Variants in SHISAL1 observed in about 807,000 individuals in gnomAD.
The protein encoded by SHISAL1 is protein shisa-like-1.
Under a neutral mutation model 22.6 loss-of-function variants are expected in SHISAL1, and 9 were observed. The observed-to-expected ratio is 0.40, with a 90% CI of 0.24 to 0.70. The LOEUF is 0.70. Ranked by LOEUF, SHISAL1 falls within the 30% of genes least tolerant of loss-of-function variation. The pLI, the probability that SHISAL1 is intolerant of heterozygous loss-of-function variation, is 0.39. For synonymous variants in SHISAL1, 119 were observed against 115.4 expected, an observed-to-expected ratio of 1.03 and a Z score of -0.20; for missense variants, 246 against 270.6, an observed-to-expected ratio of 0.91 and a Z score of 0.64.
At chr22:44,290,585 C>T (rs1019488158) in intron 3 of SHISAL1, among the ~76,000 whole-genome samples, 1 of 150,670 alleles carries the variant, frequency 6.6e-6, no homozygotes, top group Admixed American at 6.6e-5. Context: ...GGAGTGGCCT[C>T]GGGTCCACGA....
chr22:44,253,000 A>C (rs950131346), intron 4 of SHISAL1, among the ~76,000 whole-genome samples: 1 of 151,714 alleles, frequency 6.6e-6, no homozygotes, highest in South Asian at 2.1e-4. Flanking sequence ...CATCTTAAAA[A>C]AAATAAAAAA....
At chr22:44,271,191 A>G (rs755131753) in intron 4 of SHISAL1, among the ~76,000 whole-genome samples, 13 of 152,078 alleles carry the variant, frequency 8.5e-5, no homozygotes, top group Non-Finnish European at 1.5e-4. Flanking sequence ...AGGTGATGCA[A>G]CTTGCCCAAG....
intron 4 of SHISAL1, among the ~76,000 whole-genome samples, chr22:44,282,873 A>T (rs2055286309): frequency 6.6e-6 from 1 of 152,168 alleles, no homozygotes; most frequent in African/African-American, 2.4e-5. Context: ...TTGGGTGCCA[A>T]GTGGTGTTTC....
At chr22:44,297,012 TC>T in intron 2 of SHISAL1, 127 bp from the exon 3 acceptor site, 1 of 710,626 alleles carries the variant, frequency 1.4e-6, no homozygotes, top group Non-Finnish European at 2.4e-6. Flanking sequence ...GCCTTTGTGG[TC>T]CACTGTGAGC....
chr22:44,274,811 C>T (rs1053649394), intron 4 of SHISAL1, among the ~76,000 whole-genome samples: 2 of 152,214 alleles, frequency 1.3e-5, no homozygotes, highest in Non-Finnish European at 2.9e-5. Flanking sequence ...TTTTCTTTTC[C>T]TATTTTTTAC....
intron 4 of SHISAL1, among the ~76,000 whole-genome samples, chr22:44,266,251 G>A (rs2055160151): frequency 6.6e-6 from 1 of 152,230 alleles, no homozygotes; most frequent in Non-Finnish European, 1.5e-5. Flanking sequence ...ATCCTATTGA[G>A]TCGGGAGAAA....
chr22:44,247,418 C>T lies in SHISAL1; in HGVS notation c.*2267G>A, dbSNP rs140047377. On this transcript the variant is annotated 3_prime_UTR_variant, in exon 5 of 5. Transcript: ENST00000381176. ...TTCCGCAGCTGGGCTAGTGGACAGG[C>T]TGTGCACCCCCTTACGGCAACATGG... 53 of 152,430 alleles carry T rather than the reference C, an allele frequency of 3.5e-4. 1 individual carries two copies. Among genetic ancestry groups the T allele is most frequent in the African/African-American group, 1.1e-3 (47 of 41,586 alleles). 9.4% of individuals were successfully genotyped at this position (152,430 alleles called of 1,614,324 possible). A position where few individuals can be genotyped will look rare whatever the true frequency, so the allele number is the denominator to read the frequency against.
In SHISAL1 at chr22:44,259,473, TA is replaced by T. The variant is rs35901732; in HGVS notation, c.*-9789del. 0.017 allele frequency among the ~76,000 whole-genome samples: 2,440 copies of T among 141,984 alleles called. 134 individuals are homozygous for T. In the East Asian group the frequency reaches 0.19, roughly 11 times the overall value. 93.1% of individuals were successfully genotyped at this position (141,984 alleles called of 152,430 possible). On this transcript the variant is annotated intron_variant, in intron 4 of 4. Transcript: ENST00000381176. ...AGAATAAAAATAAAATAAAAATTAT[TA>T]AAAAAAAAAAAAGAAACAGCCAAAG...
chr22:44,255,514 A>G (rs1357125696), intron 4 of SHISAL1, among the ~76,000 whole-genome samples: 1 of 152,060 alleles, frequency 6.6e-6, no homozygotes, highest in Non-Finnish European at 1.5e-5. Flanking sequence ...CTCAGGAGCA[A>G]ATCCCGTTGG....
chr22:44,284,901 T>TGCCTG (rs1555928208), intron 4 of SHISAL1, among the ~76,000 whole-genome samples: 39 of 25,950 alleles, frequency 1.5e-3, no homozygotes, highest in African/African-American at 3.7e-3. Flanking sequence ...CTTCCTGCCT[T>TGCCTG]CCTTCCTTCC....
rs2054996371 is a variant in SHISAL1, at chr22:44,245,901, A to G, written c.*3784T>C. 6.6e-6 allele frequency: 1 copy of G among 152,230 alleles called. No homozygotes were observed. Among genetic ancestry groups the G allele is most frequent in the Non-Finnish European group, 1.5e-5 (1 of 68,038 alleles). The allele number at this position is 152,230 out of a possible 1,614,324, so 9.4% of individuals were successfully genotyped here. A position where few individuals can be genotyped will look rare whatever the true frequency, so the allele number is the denominator to read the frequency against. ...GGGAGATGCCACTCACCCTGGGAAC[A>G]CTGTCAGCTGCCTACTTGCTGCTTT... On this transcript the variant is annotated 3_prime_UTR_variant, in exon 5 of 5. Transcript: ENST00000381176.
Position 44,284,252 on chromosome 22 carries a change from G to T in SHISAL1, c.599+1176C>A, listed in dbSNP as rs545988973. On this transcript the variant is annotated intron_variant, in intron 4 of 4. Transcript: ENST00000381176. ...GCTGCCTCCAAAGAGGAGGCAGCAA[G>T]GATTAACTGAGGACCTACTATGTGC... Among the ~76,000 whole-genome samples the T allele has an allele frequency of 1.5e-3, 226 of 152,204 alleles. 5 individuals are homozygous for T. In the East Asian group the frequency reaches 0.039, roughly 26 times the overall value.
At chr22:44,329,310 G>A in the SHISAL1 span, among the ~76,000 whole-genome samples, 59,479 of 151,838 alleles carry the variant, frequency 0.39, 11,861 homozygotes, top group East Asian at 0.56. Context: ...GGCAGGTCCC[G>A]CTCGCTTTCT....
chr22:44,270,099 G>A (rs2055196210), intron 4 of SHISAL1, among the ~76,000 whole-genome samples: 1 of 152,240 alleles, frequency 6.6e-6, no homozygotes, highest in Admixed American at 6.5e-5. Context: ...CTGCTGGTTG[G>A]CTGCTGTCAG....
rs2054975001 is a variant in SHISAL1, at chr22:44,243,765, A to G, written c.*5920T>C. On this transcript the variant is annotated 3_prime_UTR_variant, in exon 5 of 5. Coordinates refer to ENST00000381176, the MANE Select transcript of SHISAL1 (RefSeq NM_001099294.2). ...AAAGCAGAGCAACAGCGGTCAGTGAAAAACACATGATTATTCTTACATTCT... is the reference window on the plus strand; with the variant it reads ...AAAGCAGAGCAACAGCGGTCAGTGAGAAACACATGATTATTCTTACATTCT... The G allele has an allele frequency of 6.6e-6, 1 of 152,258 alleles. No homozygotes were observed. The highest frequency in any genetic ancestry group is 1.5e-5 in the Non-Finnish European group (1 of 68,046). The allele number at this position is 152,258 out of a possible 1,614,324, so 9.4% of individuals were successfully genotyped here.
In SHISAL1 at chr22:44,302,474, C is replaced by T. The variant is rs77495754; in HGVS notation, c.-32-1497G>A. 4.7e-3 allele frequency among the ~76,000 whole-genome samples: 716 copies of T among 152,034 alleles called. 4 individuals carry two copies. The highest frequency in any genetic ancestry group is 0.016 in the African/African-American group (666 of 41,446). On this transcript the variant is annotated intron_variant, in intron 1 of 4. Coordinates refer to ENST00000381176, the MANE Select transcript of SHISAL1 (RefSeq NM_001099294.2). ...AACAAGGCGTGTCTGGGGAGTGGTG[C>T]CGAGAATGGTGATGGGGGAGCTGCT...
intron 4 of SHISAL1, among the ~76,000 whole-genome samples, chr22:44,284,897 GCCTTCCTTCCTT>G (rs56376829): frequency 2.1e-4 from 28 of 134,596 alleles, no homozygotes; most frequent in Middle Eastern, 3.6e-3. Context: ...CTGCCTTCCT[GCCTTCCTTCCTT>G]CCTTCCTTCC....
At chr22:44,330,982 TGGCCCTCAG>T in the SHISAL1 span, among the ~76,000 whole-genome samples, 1 of 152,046 alleles carries the variant, frequency 6.6e-6, no homozygotes, top group Non-Finnish European at 1.5e-5. Context: ...GTCCGCAGCG[TGGCCCTCAG>T]TCCCCGTGCA....
chr22:44,320,389 G>C, the SHISAL1 span, among the ~76,000 whole-genome samples: 9 of 152,356 alleles, frequency 5.9e-5, no homozygotes, highest in African/African-American at 2.2e-4. Flanking sequence ...AGGCATTGGG[G>C]ATAAGTGGGC....
Sources: allele counts gnomAD v4.1 joint callset (sites outside exome capture counted in the v4.1 genomes callset), GRCh38; gene constraint gnomAD v4.1.1; transcripts MANE v1.5; gene names NCBI Gene and HGNC (gene_info 2026-07-23, HGNC 2026-07-21).